Variants in DTD1 observed in about 807,000 individuals in gnomAD.
DTD1 encodes the protein D-aminoacyl-tRNA deacylase 1, also known as D-tyrosyl-tRNA deacylase 1 homolog.
Under a neutral mutation model 25.6 loss-of-function variants are expected in DTD1, and 13 were observed. The observed-to-expected ratio is 0.51, with a 90% CI of 0.33 to 0.81. The LOEUF (loss-of-function observed/expected upper bound fraction) is 0.81, where lower values mean the gene tolerates loss of function less well. DTD1 is among the 30% of genes least tolerant of loss of function. The pLI, the probability that DTD1 is intolerant of heterozygous loss-of-function variation, is 0.02. For synonymous variants in DTD1, 110 were observed against 103.6 expected (o/e 1.06, Z -0.37); for missense variants, 193 against 266.4 (o/e 0.72, Z 1.92).
chr20:18,628,607 G>T (rs1424578207), intron 4 of DTD1, among the ~76,000 whole-genome samples: 3 of 152,180 alleles, frequency 2.0e-5, no homozygotes, highest in Non-Finnish European at 4.4e-5. Flanking sequence ...ATTGGGTTTG[G>T]TCCCAGGTGT....
At chr20:18,627,764 G>A (rs2060765484) in intron 3 of DTD1, among the ~76,000 whole-genome samples, 1 of 152,148 alleles carries the variant, frequency 6.6e-6, no homozygotes, top group Admixed American at 6.5e-5. Flanking sequence ...TTTTGTGGGA[G>A]GAACCTGGTA....
At chr20:18,716,460 G>A (rs2061181079) in intron 4 of DTD1, among the ~76,000 whole-genome samples, 1 of 152,154 alleles carries the variant, frequency 6.6e-6, no homozygotes, top group Non-Finnish European at 1.5e-5. Flanking sequence ...GTGGCTGCCG[G>A]GTCTCACGGG....
At chr20:18,670,204 C>T (rs1219323112) in intron 4 of DTD1, among the ~76,000 whole-genome samples, 1 of 152,140 alleles carries the variant, frequency 6.6e-6, no homozygotes, top group African/African-American at 2.4e-5. Flanking sequence ...TGCGTATAAT[C>T]CCACGCTTTG....
chr20:18,714,236 C>T (rs2122482698), intron 4 of DTD1, among the ~76,000 whole-genome samples: 1 of 152,314 alleles, frequency 6.6e-6, no homozygotes, highest in East Asian at 1.9e-4. Flanking sequence ...GAAGGCTGTA[C>T]TAGATATGTA....
chr20:18,614,733 G>A (rs1430307388), intron 3 of DTD1, among the ~76,000 whole-genome samples: 1 of 152,032 alleles, frequency 6.6e-6, no homozygotes, highest in African/African-American at 2.4e-5. Context: ...GGTTTTTTGT[G>A]TGGGCCCATT....
At chr20:18,612,910 C>T (rs6045507) in intron 3 of DTD1, among the ~76,000 whole-genome samples, 23,134 of 152,196 alleles carry the variant, frequency 0.15, 1,874 homozygotes, top group Admixed American at 0.2. Flanking sequence ...CTGCACACTT[C>T]CGCCTCCCAA....
At chr20:18,632,402 G>T (rs1326138772) in intron 4 of DTD1, 22 of 985,476 alleles carry the variant, frequency 2.2e-5, no homozygotes, top group Non-Finnish European at 2.7e-5. Flanking sequence ...GTGGCGGTGG[G>T]TAGGCGCAGA....
chr20:18,697,039 T>TG (rs1157390196), intron 4 of DTD1, among the ~76,000 whole-genome samples: 3 of 151,516 alleles, frequency 2.0e-5, no homozygotes, highest in Non-Finnish European at 3.0e-5. Context: ...ACGACCATCC[T>TG]GCTAACACGG....
At chr20:18,641,966 T>C (rs891256598) in intron 4 of DTD1, among the ~76,000 whole-genome samples, 5 of 152,234 alleles carry the variant, frequency 3.3e-5, no homozygotes, top group Non-Finnish European at 7.3e-5. Context: ...TTTTTCTTTA[T>C]GTTTTCTTCT....
chr20:18,750,107 G>A (rs1303853917), intron 5 of DTD1, among the ~76,000 whole-genome samples: 1 of 152,184 alleles, frequency 6.6e-6, no homozygotes, highest in Non-Finnish European at 1.5e-5. Flanking sequence ...GCGGGGCTGG[G>A]TGCTCCTGCT....
intron 3 of DTD1, among the ~76,000 whole-genome samples, chr20:18,613,357 A>G (rs929888021): frequency 1.3e-5 from 2 of 152,236 alleles, no homozygotes; most frequent in Non-Finnish European, 2.9e-5. Flanking sequence ...AACATTCCTC[A>G]GAAACCTCCT....
intron 5 of DTD1, among the ~76,000 whole-genome samples, chr20:18,761,055 T>G (rs537915160): frequency 2.7e-4 from 41 of 152,322 alleles, no homozygotes; most frequent in Admixed American, 2.4e-3. Flanking sequence ...TATAATCTCC[T>G]GGTGTGCCGT....
At chr20:18,596,321 A>T in intron 3 of DTD1, 80 bp downstream of exon 3, 1 of 1,190,856 alleles carries the variant, frequency 8.4e-7, no homozygotes, top group Non-Finnish European at 1.2e-6. Context: ...CAACTGCAGC[A>T]TCTCCTTTTC....
chr20:18,653,189 C>G (rs2060880180), intron 4 of DTD1, among the ~76,000 whole-genome samples: 1 of 152,098 alleles, frequency 6.6e-6, no homozygotes, highest in Non-Finnish European at 1.5e-5. Flanking sequence ...ATTGCTTGAG[C>G]CCAGGAGTTT....
At chr20:18,635,754 C>A (rs892178133) in intron 4 of DTD1, among the ~76,000 whole-genome samples, 3 of 152,166 alleles carry the variant, frequency 2.0e-5, no homozygotes, top group African/African-American at 7.2e-5. Context: ...TAAGTCAGCT[C>A]ATAGTGGGCT....
Position 18,722,329 on chromosome 20 carries a change from G to C in DTD1, c.478-21771G>C, listed in dbSNP as rs556524340. ...CAATCCTAACATGCCCAGGCCACTT[G>C]GCTAGGAGCCAGTGTTGAAAAAGCA... On this transcript the variant is annotated intron_variant, in intron 4 of 5. Transcript: ENST00000377452. 4.6e-5 allele frequency among the ~76,000 whole-genome samples: 7 copies of C among 152,370 alleles called. No homozygotes were observed. In the South Asian group the frequency reaches 1.4e-3, roughly 32 times the overall value.
chr20:18,763,962 T>A lies in DTD1; in HGVS notation c.*622T>A, dbSNP rs948864121. On this transcript the variant is annotated 3_prime_UTR_variant, in exon 6 of 6. Transcript: ENST00000377452. ...AACGATGATGTCCATAGAAATGCAA[T>A]GCGTCTGACCTCTCTCTATGCGTAT... The A allele has an allele frequency of 6.6e-6, 1 of 152,208 alleles. No individual in the cohort carries two copies. The highest frequency in any genetic ancestry group is 2.4e-5 in the African/African-American group (1 of 41,438). The allele number at this position is 152,208 out of a possible 1,614,324, so 9.4% of individuals were successfully genotyped here. A position where few individuals can be genotyped will look rare whatever the true frequency, so the allele number is the denominator to read the frequency against.
chr20:18,684,467 A>G (rs1568668245), intron 4 of DTD1, among the ~76,000 whole-genome samples: 1 of 152,026 alleles, frequency 6.6e-6, no homozygotes, highest in Non-Finnish European at 1.5e-5. Flanking sequence ...TTATATTTTT[A>G]GAAGAGATGG....
At chr20:18,625,411 C>T (rs559891687) in intron 3 of DTD1, among the ~76,000 whole-genome samples, 1 of 152,234 alleles carries the variant, frequency 6.6e-6, no homozygotes, top group Non-Finnish European at 1.5e-5. Context: ...TTTCCAGGCA[C>T]CTTTGAGCCA....
Sources: allele counts gnomAD v4.1 joint callset (sites outside exome capture counted in the v4.1 genomes callset), GRCh38; gene constraint gnomAD v4.1.1; transcripts MANE v1.5; gene names NCBI Gene and HGNC (gene_info 2026-07-23, HGNC 2026-07-21).